ATRNL1: variants seen among roughly 807,000 people sequenced by gnomAD.
The protein encoded by ATRNL1 is attractin like 1.
A neutral mutation model predicts 182.7 loss-of-function variants in ATRNL1; 95 were observed. The ratio of observed to expected loss-of-function variants is 0.52; its 90% CI spans 0.44 to 0.62. The LOEUF is 0.62. ATRNL1 is among the 20% of genes least tolerant of loss of function. The pLI, the probability that ATRNL1 is intolerant of heterozygous loss-of-function variation, is 0.00. For missense variants in ATRNL1, 1,471 were observed against 1,679.5 expected (o/e 0.88, Z 2.17); for synonymous variants, 576 against 568.3 (o/e 1.01, Z -0.19).
chr10:115,677,743 A>G (rs1945911875), intron 26 of ATRNL1, among the ~76,000 whole-genome samples: 1 of 152,028 alleles, frequency 6.6e-6, no homozygotes, highest in South Asian at 2.1e-4. Flanking sequence ...AAACAGACTA[A>G]TAGAGCAAGG....
At chr10:115,789,507 A>G (rs1408483864) in intron 27 of ATRNL1, among the ~76,000 whole-genome samples, 7 of 152,186 alleles carry the variant, frequency 4.6e-5, no homozygotes, top group African/African-American at 1.2e-4. Context: ...GGCACCGAGC[A>G]CTACTGCTGA....
At chr10:115,347,466 G>A (rs1380001201) in intron 19 of ATRNL1, among the ~76,000 whole-genome samples, 1 of 151,988 alleles carries the variant, frequency 6.6e-6, no homozygotes, top group African/African-American at 2.4e-5. Context: ...ATAAAGCATG[G>A]AAAGTAAACA....
At chr10:115,420,039 ATTTT>A (rs34280609) in intron 20 of ATRNL1, among the ~76,000 whole-genome samples, 1 of 127,890 alleles carries the variant, frequency 7.8e-6, no homozygotes. Flanking sequence ...TGTCTTAACA[ATTTT>A]TTTTTTTTTT....
chr10:115,199,180 T>C (rs1592246007), intron 8 of ATRNL1, among the ~76,000 whole-genome samples: 1 of 152,180 alleles, frequency 6.6e-6, no homozygotes, highest in Non-Finnish European at 1.5e-5. Flanking sequence ...ATTTATTTCA[T>C]CAATGTTTTA....
chr10:115,368,406 G>T (rs1376107443), intron 19 of ATRNL1, among the ~76,000 whole-genome samples: 2 of 152,154 alleles, frequency 1.3e-5, no homozygotes, highest in African/African-American at 2.4e-5. Flanking sequence ...CGCACCCACT[G>T]ACCTGCACCC....
chr10:115,121,442 CAAT>C (rs1687440288), intron 2 of ATRNL1, among the ~76,000 whole-genome samples: 1 of 152,184 alleles, frequency 6.6e-6, no homozygotes, highest in African/African-American at 2.4e-5. Context: ...TTTTAGAAAA[CAAT>C]GATACATACA....
chr10:115,772,712 T>G (rs1949026370), intron 27 of ATRNL1, among the ~76,000 whole-genome samples: 1 of 151,978 alleles, frequency 6.6e-6, no homozygotes, highest in Non-Finnish European at 1.5e-5. Flanking sequence ...TCCCTACAGA[T>G]ATTTTTTGCA....
At chr10:115,160,381 G>A (rs78650298) in intron 6 of ATRNL1, among the ~76,000 whole-genome samples, 167 bp downstream of exon 6, 1,999 of 151,794 alleles carry the variant, frequency 0.013, 42 homozygotes, top group African/African-American at 0.046. Context: ...GTCCATAGCT[G>A]TCATTGCACA....
At chr10:115,886,327 T>C (rs1320339726) in intron 28 of ATRNL1, among the ~76,000 whole-genome samples, 2 of 152,096 alleles carry the variant, frequency 1.3e-5, no homozygotes, top group Non-Finnish European at 2.9e-5. Context: ...CCAGCCTGAC[T>C]AACATGGAGA....
chr10:115,520,408 G>A (rs781819076), intron 25 of ATRNL1, among the ~76,000 whole-genome samples: 1 of 152,226 alleles, frequency 6.6e-6, no homozygotes, highest in Non-Finnish European at 1.5e-5. Context: ...TTTGTGGGCT[G>A]TATGGTCTTC....
intron 26 of ATRNL1, among the ~76,000 whole-genome samples, chr10:115,567,692 T>A (rs939335439): frequency 7.9e-5 from 12 of 152,140 alleles, no homozygotes; most frequent in African/African-American, 1.7e-4. Context: ...GAACTTTTTT[T>A]AAATTTTGTT....
At chr10:115,750,766 AAAG>A (rs1226758753) in intron 27 of ATRNL1, among the ~76,000 whole-genome samples, 1 of 152,110 alleles carries the variant, frequency 6.6e-6, no homozygotes, top group Non-Finnish European at 1.5e-5. Flanking sequence ...TTTAAAATTA[AAAG>A]AAGACCAGCA....
intron 20 of ATRNL1, among the ~76,000 whole-genome samples, chr10:115,407,101 A>T (rs1476317390): frequency 6.6e-6 from 1 of 151,904 alleles, no homozygotes; most frequent in Non-Finnish European, 1.5e-5. Flanking sequence ...TATTTATTTA[A>T]ATTGGATTTT....
chr10:115,506,262 G>C (rs892311803), intron 24 of ATRNL1, among the ~76,000 whole-genome samples: 1 of 151,332 alleles, frequency 6.6e-6, no homozygotes, highest in Non-Finnish European at 1.5e-5. Flanking sequence ...TATCAAGTCT[G>C]ATAGAGTTGG....
At chr10:115,808,668 C>T (rs1388394492) in intron 27 of ATRNL1, among the ~76,000 whole-genome samples, 3 of 152,168 alleles carry the variant, frequency 2.0e-5, no homozygotes, top group African/African-American at 7.2e-5. Flanking sequence ...TTTTCAGTTG[C>T]TCCACACACC....
intron 26 of ATRNL1, among the ~76,000 whole-genome samples, chr10:115,660,500 C>G (rs907311387): frequency 2.2e-4 from 33 of 151,968 alleles, no homozygotes; most frequent in African/African-American, 7.7e-4. Context: ...ATAAGCTGAC[C>G]ATTAAAGCAA....
At chr10:115,589,852 C>T (rs1036113177) in intron 26 of ATRNL1, among the ~76,000 whole-genome samples, 1 of 152,120 alleles carries the variant, frequency 6.6e-6, no homozygotes, top group Non-Finnish European at 1.5e-5. Context: ...AGATCAGGAG[C>T]CCATCATGGT....
intron 25 of ATRNL1, among the ~76,000 whole-genome samples, chr10:115,522,572 C>T (rs1439473034): frequency 3.3e-5 from 5 of 152,166 alleles, no homozygotes; most frequent in Non-Finnish European, 7.3e-5. Context: ...CTATAGCATT[C>T]TATCCCTGGC....
At chr10:115,900,636 A>G (rs1344025976) in intron 28 of ATRNL1, among the ~76,000 whole-genome samples, 3 of 152,024 alleles carry the variant, frequency 2.0e-5, no homozygotes, top group African/African-American at 7.2e-5. Flanking sequence ...TGTAGATAGC[A>G]CTGAGGCACA....
Sources: allele counts gnomAD v4.1 joint callset (sites outside exome capture counted in the v4.1 genomes callset), GRCh38; gene constraint gnomAD v4.1.1; transcripts MANE v1.5; gene names NCBI Gene and HGNC (gene_info 2026-07-23, HGNC 2026-07-21).